OPCML: variants seen among roughly 807,000 people sequenced by gnomAD.
The protein encoded by OPCML is opioid-binding protein/cell adhesion molecule.
Under a neutral mutation model 37.8 loss-of-function variants are expected in OPCML, and 13 were observed. The observed-to-expected ratio is 0.34, with a 90% CI of 0.22 to 0.55. OPCML has a LOEUF of 0.55. Among genes scored for constraint, OPCML ranks in the 20% least tolerant of loss-of-function variants. The pLI, the probability that OPCML is intolerant of heterozygous loss-of-function variation, is 0.91. For synonymous variants in OPCML, 176 were observed against 168.8 expected, an observed-to-expected ratio of 1.04 and a Z score of -0.33; for missense variants, 341 against 435.6, an observed-to-expected ratio of 0.78 and a Z score of 1.93.
chr11:132,460,120 C>T (rs138599758), intron 4 of OPCML, among the ~76,000 whole-genome samples: 306 of 152,274 alleles, frequency 2.0e-3, no homozygotes, highest in African/African-American at 6.9e-3. Context: ...ACTGCTATTT[C>T]ATCTCACAGA....
At chr11:133,062,300 A>G (rs957004789) in intron 1 of OPCML, among the ~76,000 whole-genome samples, 1 of 152,172 alleles carries the variant, frequency 6.6e-6, no homozygotes, top group African/African-American at 2.4e-5. Context: ...AAGGAAGTCC[A>G]TGAATCCCCG....
At chr11:132,617,825 G>A (rs146032671) in intron 3 of OPCML, among the ~76,000 whole-genome samples, 120 of 152,262 alleles carry the variant, frequency 7.9e-4, no homozygotes, top group Middle Eastern at 6.8e-3. Flanking sequence ...CACCAGTTCC[G>A]TCAGATTGAG....
chr11:133,015,113 T>A (rs182571169), intron 1 of OPCML, among the ~76,000 whole-genome samples: 13 of 152,046 alleles, frequency 8.6e-5, no homozygotes, highest in Non-Finnish European at 1.2e-4. Flanking sequence ...ACCTAAACAA[T>A]ATACAGGTAA....
intron 1 of OPCML, among the ~76,000 whole-genome samples, chr11:133,256,398 T>C (rs1592145191): frequency 6.6e-6 from 1 of 152,366 alleles, no homozygotes; most frequent in African/African-American, 2.4e-5. Flanking sequence ...AATGCACTTA[T>C]ATTAATGTGT....
At chr11:132,997,924 G>A (rs376246934) in intron 1 of OPCML, among the ~76,000 whole-genome samples, 3 of 152,092 alleles carry the variant, frequency 2.0e-5, no homozygotes, top group South Asian at 2.1e-4. Context: ...TCCCTAACTC[G>A]TTGGTTTTAG....
intron 1 of OPCML, among the ~76,000 whole-genome samples, chr11:133,501,087 GCTCCAAT>G (rs1458509311): frequency 1.3e-5 from 2 of 152,112 alleles, no homozygotes; most frequent in African/African-American, 2.4e-5. Flanking sequence ...ATGCTGGGGA[GCTCCAAT>G]CTCCCCCTGC....
At chr11:132,651,362 G>T (rs2135751483) in intron 3 of OPCML, among the ~76,000 whole-genome samples, 1 of 152,206 alleles carries the variant, frequency 6.6e-6, no homozygotes, top group South Asian at 2.1e-4. Context: ...TGTCATGTGG[G>T]GCTTTTGGGA....
intron 1 of OPCML, among the ~76,000 whole-genome samples, chr11:133,223,870 T>C (rs1383135735): frequency 1.3e-5 from 2 of 152,204 alleles, no homozygotes; most frequent in Non-Finnish European, 1.5e-5. Flanking sequence ...CACCAGCTCC[T>C]GTCATTAGCA....
At position 132,880,088 on chromosome 11, in the gene OPCML, C is replaced by T. The variant is rs75755478; in HGVS notation, c.146+62838G>A. ...TACTTCCTTTACTTCCAAACACTTT[C>T]GCTGATCATTCCATTATATCCCTTC... On this transcript the variant is annotated intron_variant, in intron 2 of 7. Transcript: ENST00000524381. 7.0e-3 allele frequency among the ~76,000 whole-genome samples: 1,061 copies of T among 152,272 alleles called. 16 individuals are homozygous for T. The highest frequency in any genetic ancestry group is 0.022 in the African/African-American group (896 of 41,550).
chr11:132,833,342 G>T (rs1384277443), intron 2 of OPCML, among the ~76,000 whole-genome samples: 2 of 152,098 alleles, frequency 1.3e-5, no homozygotes, highest in East Asian at 3.9e-4. Flanking sequence ...CACAGGGTCA[G>T]GATGATCACT....
At chr11:132,529,789 T>A (rs1319834734) in intron 3 of OPCML, among the ~76,000 whole-genome samples, 1 of 152,174 alleles carries the variant, frequency 6.6e-6, no homozygotes, top group Non-Finnish European at 1.5e-5. Flanking sequence ...ATTTTCTGAC[T>A]CTCTTGATAG....
intron 1 of OPCML, among the ~76,000 whole-genome samples, chr11:133,051,766 G>A (rs772660654): frequency 9.2e-5 from 14 of 152,278 alleles, no homozygotes; most frequent in Admixed American, 2.6e-4. Flanking sequence ...CACTGACACC[G>A]CACAGAAGAC....
chr11:133,038,268 G>A (rs999117359), intron 1 of OPCML, among the ~76,000 whole-genome samples: 1 of 152,212 alleles, frequency 6.6e-6, no homozygotes, highest in African/African-American at 2.4e-5. Flanking sequence ...TCCTGTCTTA[G>A]TGTCTCTCTG....
At chr11:133,059,253 TCCCAGAGCCTTTGTACTCAAA>T (rs1948296305) in intron 1 of OPCML, among the ~76,000 whole-genome samples, 1 of 152,224 alleles carries the variant, frequency 6.6e-6, no homozygotes, top group Admixed American at 6.5e-5. Context: ...GGGTTTCTGG[TCCCAGAGCCTTTGTACTCAAA>T]GGATCTGCGG....
chr11:133,355,674 A>T (rs12277211), intron 1 of OPCML, among the ~76,000 whole-genome samples: 3 of 152,100 alleles, frequency 2.0e-5, no homozygotes, highest in Non-Finnish European at 4.4e-5. Flanking sequence ...GATTTCAGTC[A>T]TCGCTTCAGC....
At chr11:133,178,539 G>C (rs1041006156) in intron 1 of OPCML, among the ~76,000 whole-genome samples, 2 of 152,126 alleles carry the variant, frequency 1.3e-5, no homozygotes, top group South Asian at 2.1e-4. Context: ...CTCTGGGCTC[G>C]TTGGGGAAAT....
intron 2 of OPCML, among the ~76,000 whole-genome samples, chr11:132,854,168 C>T (rs917351637): frequency 6.6e-6 from 1 of 152,046 alleles, no homozygotes; most frequent in Non-Finnish European, 1.5e-5. Context: ...TTACTATTAC[C>T]GATTTAATAC....
At chr11:132,669,175 C>A (rs1009313015) in intron 2 of OPCML, among the ~76,000 whole-genome samples, 3 of 152,064 alleles carry the variant, frequency 2.0e-5, no homozygotes, top group Admixed American at 6.6e-5. Context: ...TTGTCCTTTT[C>A]TTGGACAGCG....
chr11:132,444,547 C>T (rs959573373), intron 4 of OPCML, among the ~76,000 whole-genome samples: 1 of 152,192 alleles, frequency 6.6e-6, no homozygotes, highest in Non-Finnish European at 1.5e-5. Context: ...GTAGATGTCA[C>T]ATCTTCTACT....
Sources: gnomAD v4.1 joint callset for allele counts (sites outside exome capture counted in the v4.1 genomes callset) on GRCh38, gnomAD v4.1.1 for gene constraint, MANE v1.5 for transcripts, NCBI Gene and HGNC (gene_info 2026-07-23, HGNC 2026-07-21) for gene names.